The following PTPRD variants were observed in gnomAD, a reference collection of about 807,000 sequenced individuals.
The protein encoded by PTPRD is protein tyrosine phosphatase receptor type D, also known as receptor-type tyrosine-protein phosphatase delta.
In PTPRD, 34 loss-of-function variants were observed where a neutral mutation model predicts 214.5. The observed-to-expected ratio is 0.16, with a 90% confidence interval of 0.12 to 0.21. The LOEUF (loss-of-function observed/expected upper bound fraction) is 0.21, where lower values mean the gene tolerates loss of function less well. Among genes scored for constraint, PTPRD ranks in the 10% least tolerant of loss-of-function variants. PTPRD has a pLI of 1.00. For synonymous variants in PTPRD, 1,128 were observed against 845.7 expected (o/e 1.33, Z -5.79); for missense variants, 2,545 against 2,398.7 (o/e 1.06, Z -1.27).
At chr9:9,304,355 AAAGAC>A (rs1956424035) in intron 9 of PTPRD, among the ~76,000 whole-genome samples, 7 of 152,180 alleles carry the variant, frequency 4.6e-5, no homozygotes, top group Non-Finnish European at 1.0e-4. Context: ...ACATTTGAGC[AAAGAC>A]TTAAAGGAGG....
chr9:8,671,704 A>C (rs2097290317), intron 12 of PTPRD, among the ~76,000 whole-genome samples: 1 of 152,182 alleles, frequency 6.6e-6, no homozygotes, highest in African/African-American at 2.4e-5. Context: ...AAATCTCCAG[A>C]AATTATTTTT....
rs1210615319 is a variant in PTPRD at position 9,032,364 on chromosome 9, T to C, written c.-142-13629A>G. 2.6e-5 allele frequency among the ~76,000 whole-genome samples: 4 copies of C among 152,104 alleles called. No individual in the cohort carries two copies. In the East Asian group the frequency reaches 7.7e-4, roughly 29 times the overall value. The stretch of plus-strand genomic sequence containing the variant: ...CTCTCAGCACTGACACCAGCCTGCC[T>C]ATGAGCCGTTAAAGATATTTCACTT... On this transcript the variant is annotated intron_variant, in intron 10 of 45. Coordinates refer to ENST00000381196, the MANE Select transcript of PTPRD (RefSeq NM_002839.4).
At chr9:9,567,129 G>A (rs369706280) in intron 8 of PTPRD, among the ~76,000 whole-genome samples, 1 of 152,034 alleles carries the variant, frequency 6.6e-6, no homozygotes, top group African/African-American at 2.4e-5. Flanking sequence ...ATGAAATACT[G>A]CATAAGGAGT....
At chr9:10,414,034 C>T (rs1225658215) in intron 2 of PTPRD, among the ~76,000 whole-genome samples, 1 of 151,922 alleles carries the variant, frequency 6.6e-6, no homozygotes, top group South Asian at 2.1e-4. Context: ...ACATTCTGCA[C>T]ATAGAAATGG....
At chr9:8,786,604 G>A (rs993603036) in intron 11 of PTPRD, among the ~76,000 whole-genome samples, 3 of 151,230 alleles carry the variant, frequency 2.0e-5, no homozygotes, top group Non-Finnish European at 2.9e-5. Context: ...TAGTACAAAC[G>A]GGGTTTCACC....
intron 11 of PTPRD, among the ~76,000 whole-genome samples, chr9:8,892,045 T>G (rs2098543997): frequency 6.6e-6 from 1 of 152,174 alleles, no homozygotes; most frequent in Non-Finnish European, 1.5e-5. Context: ...CCCTTCCTGC[T>G]TTTCTTTTCT....
At chr9:8,925,556 G>A (rs1043586883) in intron 11 of PTPRD, among the ~76,000 whole-genome samples, 12 of 151,074 alleles carry the variant, frequency 7.9e-5, no homozygotes, top group African/African-American at 2.7e-4. Context: ...GCTAAGCTGT[G>A]CCCACCCCCA....
intron 9 of PTPRD, among the ~76,000 whole-genome samples, chr9:9,233,764 C>T (rs1445614736): frequency 6.6e-6 from 1 of 152,190 alleles, no homozygotes; most frequent in Non-Finnish European, 1.5e-5. Flanking sequence ...CTTAAAGTTC[C>T]AAAATGATCT....
At chr9:8,661,619 G>A (rs1320276473) in intron 12 of PTPRD, among the ~76,000 whole-genome samples, 1 of 152,080 alleles carries the variant, frequency 6.6e-6, no homozygotes, top group Admixed American at 6.6e-5. Flanking sequence ...TTTTGTGCAT[G>A]AAAGCAGAAA....
At chr9:9,511,223 A>G (rs1018746905) in intron 8 of PTPRD, among the ~76,000 whole-genome samples, 11 of 151,790 alleles carry the variant, frequency 7.2e-5, no homozygotes, top group Admixed American at 1.3e-4. Flanking sequence ...AAATGGAGAC[A>G]TTTTATAAAT....
intron 3 of PTPRD, among the ~76,000 whole-genome samples, chr9:10,077,210 C>A (rs1346861551): frequency 6.6e-6 from 1 of 152,086 alleles, no homozygotes; most frequent in Non-Finnish European, 1.5e-5. Flanking sequence ...TTTTGTAATA[C>A]TTTATCATCC....
At chr9:9,007,648 T>G (rs573794445) in intron 11 of PTPRD, among the ~76,000 whole-genome samples, 1 of 151,468 alleles carries the variant, frequency 6.6e-6, no homozygotes, top group East Asian at 2.0e-4. Context: ...CTGGACCTGT[T>G]GCTTTAGATA....
At chr9:8,569,234 G>A (rs1256389051) in intron 14 of PTPRD, among the ~76,000 whole-genome samples, 1 of 152,060 alleles carries the variant, frequency 6.6e-6, no homozygotes, top group East Asian at 1.9e-4. Context: ...AAAACTTCCA[G>A]AGGAAAAGGT....
chr9:8,640,561 C>CAAAAAAAAA (rs201282830), intron 12 of PTPRD, among the ~76,000 whole-genome samples: 60 of 105,258 alleles, frequency 5.7e-4, no homozygotes, highest in African/African-American at 1.0e-3. Flanking sequence ...AACAAAAAAA[C>CAAAAAAAAA]AAAAAAAAAA....
At chr9:9,695,685 A>T (rs1310665551) in intron 7 of PTPRD, among the ~76,000 whole-genome samples, 1 of 152,124 alleles carries the variant, frequency 6.6e-6, no homozygotes, top group Non-Finnish European at 1.5e-5. Context: ...GGTTTTGTTA[A>T]TGTGATGCAT....
At chr9:9,780,205 T>C (rs1412497061) in intron 5 of PTPRD, among the ~76,000 whole-genome samples, 1 of 152,014 alleles carries the variant, frequency 6.6e-6, no homozygotes, top group Non-Finnish European at 1.5e-5. Context: ...GAGCTAAACA[T>C]TGAACACACA....
intron 9 of PTPRD, among the ~76,000 whole-genome samples, chr9:9,337,683 C>T (rs2045114365): frequency 6.6e-6 from 1 of 152,164 alleles, no homozygotes; most frequent in Non-Finnish European, 1.5e-5. Flanking sequence ...AAGAAGATGC[C>T]ACTCTCTGGG....
At chr9:9,005,411 TTA>T (rs2099457561) in intron 11 of PTPRD, among the ~76,000 whole-genome samples, 1 of 138,698 alleles carries the variant, frequency 7.2e-6, no homozygotes, top group Non-Finnish European at 1.7e-5. Flanking sequence ...ATAATGACTG[TTA>T]TTAATGATAA....
chr9:9,257,923 T>A (rs547664205), intron 9 of PTPRD, among the ~76,000 whole-genome samples: 3 of 152,054 alleles, frequency 2.0e-5, no homozygotes, highest in Admixed American at 2.0e-4. Flanking sequence ...TTGGCAAAAA[T>A]CACATACAAT....
Sources: gnomAD v4.1 joint callset for allele counts (sites outside exome capture counted in the v4.1 genomes callset) on GRCh38, gnomAD v4.1.1 for gene constraint, MANE v1.5 for transcripts, NCBI Gene and HGNC (gene_info 2026-07-23, HGNC 2026-07-21) for gene names.